The following ABHD2 variants were observed in gnomAD, a reference collection of about 807,000 sequenced individuals.
ABHD2 encodes the protein monoacylglycerol lipase ABHD2.
In ABHD2, 20 loss-of-function variants were observed where a neutral mutation model predicts 48.1. The ratio of observed to expected loss-of-function variants is 0.42; its 90% CI spans 0.29 to 0.60. The LOEUF (loss-of-function observed/expected upper bound fraction) is 0.60, where lower values mean the gene tolerates loss of function less well. ABHD2 is among the 20% of genes least tolerant of loss of function. The pLI, the probability that ABHD2 is intolerant of heterozygous loss-of-function variation, is 0.24. For missense variants in ABHD2, 405 were observed against 550.9 expected, an observed-to-expected ratio of 0.74 and a Z score of 2.65; for synonymous variants, 209 against 214.2, an observed-to-expected ratio of 0.98 and a Z score of 0.21.
the ABHD2 span, among the ~76,000 whole-genome samples, chr15:89,057,932 A>C: frequency 3.3e-5 from 5 of 152,114 alleles, no homozygotes; most frequent in Admixed American, 2.0e-4. Flanking sequence ...CCCTCTACCC[A>C]GTCCATCAGG....
At chr15:89,121,033 A>G (rs1420404041) in intron 3 of ABHD2, among the ~76,000 whole-genome samples, 2 of 152,076 alleles carry the variant, frequency 1.3e-5, no homozygotes, top group Non-Finnish European at 2.9e-5. Flanking sequence ...CTACCTGTCT[A>G]CTCACGTTTG....
chr15:89,148,532 A>G (rs1381009633), intron 3 of ABHD2, among the ~76,000 whole-genome samples: 1 of 152,242 alleles, frequency 6.6e-6, no homozygotes, highest in Non-Finnish European at 1.5e-5. Context: ...TTTAGAAGGC[A>G]ACTTGGCAGT....
At chr15:89,064,158 C>G in the ABHD2 span, among the ~76,000 whole-genome samples, 31,954 of 151,160 alleles carry the variant, frequency 0.21, 4,279 homozygotes, top group African/African-American at 0.36. Context: ...AAGCTTCATC[C>G]ATGTTATAGC....
At chr15:89,042,598 ATTTATTTATTTATTTATTTATTTAT>A in the ABHD2 span, among the ~76,000 whole-genome samples, 1 of 77,054 alleles carries the variant, frequency 1.3e-5, no homozygotes, top group Admixed American at 1.3e-4. Flanking sequence ...TTATTTATTT[ATTTATTTATTTATTTATTTATTTAT>A]TTATTTATTT....
At position 89,104,922 on chromosome 15, in the gene ABHD2, A is replaced by G. The variant is rs1365635522; in HGVS notation, c.-106-8803A>G. On this transcript the variant is annotated intron_variant, in intron 1 of 10. Coordinates refer to ENST00000352732, the MANE Select transcript of ABHD2 (RefSeq NM_152924.5). This position sits in a 1 kb window ranked among gnomAD's most constrained non-coding sequence, Gnocchi z 4.4. ...GCTCATTGGGTTCTGGTAAACTGCA[A>G]TTTTGCTTCTGATATTACAGAATTT... Among the ~76,000 whole-genome samples, 1 of 152,168 alleles carries G rather than the reference A, an allele frequency of 6.6e-6. No homozygotes were observed. The highest frequency in any genetic ancestry group is 1.5e-5 in the Non-Finnish European group (1 of 68,034).
chr15:89,135,518 G>C, intron 3 of ABHD2: 1 of 1,191,416 alleles, frequency 8.4e-7, no homozygotes, highest in Non-Finnish European at 1.2e-6. Flanking sequence ...TTATAGACGA[G>C]AAAAAAAACT....
At chr15:89,103,286 C>G (rs556104010) in intron 1 of ABHD2, among the ~76,000 whole-genome samples, 3 of 152,182 alleles carry the variant, frequency 2.0e-5, no homozygotes, top group Non-Finnish European at 4.4e-5. Flanking sequence ...TGCTAAAGAG[C>G]TGAAAGCATT....
At chr15:89,140,781 T>C (rs1345838762) in intron 3 of ABHD2, among the ~76,000 whole-genome samples, 1 of 152,168 alleles carries the variant, frequency 6.6e-6, no homozygotes, top group African/African-American at 2.4e-5. Flanking sequence ...AAGATGTGTT[T>C]TTGTTTTCCA....
chr15:89,108,935 G>A (rs2150800911), intron 1 of ABHD2, among the ~76,000 whole-genome samples: 1 of 152,310 alleles, frequency 6.6e-6, no homozygotes, highest in South Asian at 2.1e-4. Context: ...ATTTCTAGCT[G>A]AAAGAGACCT....
At chr15:89,153,308 G>A (rs932401541) in intron 4 of ABHD2, among the ~76,000 whole-genome samples, 2 of 152,212 alleles carry the variant, frequency 1.3e-5, no homozygotes, top group Non-Finnish European at 2.9e-5. Context: ...GCCCCGAATA[G>A]CTGGCTTCTA....
chr15:89,158,414 G>C (rs2050708974), intron 5 of ABHD2, among the ~76,000 whole-genome samples: 1 of 152,232 alleles, frequency 6.6e-6, no homozygotes, highest in Non-Finnish European at 1.5e-5. Context: ...AAAGAGACCA[G>C]ATTGGAAGGC....
chr15:89,157,524 A>G (rs2050693362), intron 5 of ABHD2, among the ~76,000 whole-genome samples: 1 of 152,180 alleles, frequency 6.6e-6, no homozygotes, highest in Non-Finnish European at 1.5e-5. Context: ...CGTTCTGTTC[A>G]GCAGTTTGGT....
chr15:89,048,200 T>G, the ABHD2 span, among the ~76,000 whole-genome samples: 4 of 150,658 alleles, frequency 2.7e-5, no homozygotes, highest in African/African-American at 4.9e-5. Flanking sequence ...TGAAAATTCT[T>G]TTCTTTAAGA....
At position 89,179,795 on chromosome 15, in the gene ABHD2, C is replaced by G. The variant is rs1264515103; in HGVS notation, c.722+3800C>G. Reference sequence around the variant, plus strand: ...GGAGTGTTTCAAATCTCCTTAAAGGCACATTATACTCCGGGCTAAGTGGAT... The same window carrying G: ...GGAGTGTTTCAAATCTCCTTAAAGGGACATTATACTCCGGGCTAAGTGGAT... On this transcript the variant is annotated intron_variant, in intron 6 of 10. Transcript: ENST00000352732. The surrounding 1 kb of genome is among the most constrained non-coding windows in gnomAD (Gnocchi z 4.3). 3.3e-5 allele frequency among the ~76,000 whole-genome samples: 5 copies of G among 152,128 alleles called. No homozygotes were observed. Among genetic ancestry groups the G allele is most frequent in the Admixed American group, 2.0e-4 (3 of 15,284 alleles).
In ABHD2 at chr15:89,097,231, C is replaced by T. The variant is rs1463419371; in HGVS notation, c.-107+8668C>T. Reference sequence around the variant, plus strand: ...ATCAACTCATAACCACTCACATTTACTCTGTCTTCCTAGCTACTTCTCCCA... The same window carrying T: ...ATCAACTCATAACCACTCACATTTATTCTGTCTTCCTAGCTACTTCTCCCA... On this transcript the variant is annotated intron_variant, in intron 1 of 10. Transcript: ENST00000352732. This position sits in a 1 kb window ranked among gnomAD's most constrained non-coding sequence, Gnocchi z 4.2. Among the ~76,000 whole-genome samples the T allele has an allele frequency of 4.6e-5, 7 of 152,216 alleles. No homozygotes were observed. The highest frequency in any genetic ancestry group is 4.6e-4 in the Admixed American group (7 of 15,280).
chr15:89,101,845 G>T (rs1325771722), intron 1 of ABHD2, among the ~76,000 whole-genome samples: 1 of 152,154 alleles, frequency 6.6e-6, no homozygotes, highest in African/African-American at 2.4e-5. Flanking sequence ...TTGCAGTGGG[G>T]CTCAAATGGT....
chr15:89,059,577 T>C, the ABHD2 span, among the ~76,000 whole-genome samples: 3 of 152,146 alleles, frequency 2.0e-5, no homozygotes, highest in Admixed American at 1.3e-4. Flanking sequence ...GAACCATGAA[T>C]TGGAGAATTT....
At chr15:89,089,868 A>T (rs1596052382) in intron 1 of ABHD2, among the ~76,000 whole-genome samples, 1 of 152,206 alleles carries the variant, frequency 6.6e-6, no homozygotes, top group East Asian at 1.9e-4. Context: ...AAAGCAGTCC[A>T]TATACAGCTG....
chr15:89,152,178 C>A (rs2050603640), intron 4 of ABHD2, among the ~76,000 whole-genome samples: 1 of 152,022 alleles, frequency 6.6e-6, no homozygotes, highest in South Asian at 2.1e-4. Context: ...CAGGTTCACT[C>A]CATTCGCCTG....
Sources: gnomAD v4.1 joint callset for allele counts (sites outside exome capture counted in the v4.1 genomes callset) on GRCh38, gnomAD v4.1.1 for gene constraint, Gnocchi (gnomAD v3.1) non-coding constraint, MANE v1.5 for transcripts, NCBI Gene and HGNC (gene_info 2026-07-23, HGNC 2026-07-21) for gene names.